Variants in RIMS1 observed in about 807,000 individuals in gnomAD.
RIMS1 encodes regulating synaptic membrane exocytosis protein 1.
A neutral mutation model predicts 214.1 loss-of-function variants in RIMS1; 83 were observed. That is an observed-to-expected ratio of 0.39 (90% CI 0.32 to 0.47). The LOEUF (loss-of-function observed/expected upper bound fraction) is 0.47, where lower values mean the gene tolerates loss of function less well. RIMS1 is among the 20% of genes least tolerant of loss of function. RIMS1 has a pLI of 0.99. For missense variants in RIMS1, 2,050 were observed against 2,161.8 expected, an observed-to-expected ratio of 0.95 and a Z score of 1.03; for synonymous variants, 793 against 786.8, an observed-to-expected ratio of 1.01 and a Z score of -0.13.
chr6:72,256,301 A>T (rs1034256374), intron 16 of RIMS1, among the ~76,000 whole-genome samples: 1 of 152,122 alleles, frequency 6.6e-6, no homozygotes, highest in African/African-American at 2.4e-5. Flanking sequence ...AATAGTACAC[A>T]TTGCCGTCAG....
At chr6:72,192,174 C>T (rs2153982504) in intron 6 of RIMS1, among the ~76,000 whole-genome samples, 1 of 152,330 alleles carries the variant, frequency 6.6e-6, no homozygotes, top group South Asian at 2.1e-4. Context: ...TGAGTTAAAA[C>T]TCCATTAATT....
At chr6:71,953,342 A>G (rs1379924259) in intron 1 of RIMS1, among the ~76,000 whole-genome samples, 2 of 152,188 alleles carry the variant, frequency 1.3e-5, no homozygotes, top group African/African-American at 4.8e-5. Context: ...CCCATTGTCC[A>G]AGGCAAGTCA....
rs2076946454 is a variant in RIMS1, at chr6:72,259,022, T to C, written c.2964T>C (p.Arg988=). The change falls in exon 18 of 34, where the codon CGT becomes CGC. Residue 988 remains arginine, a synonymous_variant. Coordinates refer to ENST00000521978, the MANE Select transcript of RIMS1 (RefSeq NM_014989.7). ...LDEIHPTRRS[R]SPTRHHDASR... ...AAATTCATCCAACAAGAAGGTCACG[T>C]TCTCCAACCAGACACCATGATGCCT... 1 of 1,612,826 alleles carries C rather than the reference T, an allele frequency of 6.2e-7. No homozygotes were observed. Among genetic ancestry groups the C allele is most frequent in the African/African-American group, 1.3e-5 (1 of 75,002 alleles).
At chr6:72,159,220 C>A (rs1454126613) in intron 4 of RIMS1, among the ~76,000 whole-genome samples, 1 of 141,038 alleles carries the variant, frequency 7.1e-6, no homozygotes, top group African/African-American at 2.5e-5. Flanking sequence ...CTGTTCATAT[C>A]TTTCACCCAC....
intron 29 of RIMS1, among the ~76,000 whole-genome samples, chr6:72,383,608 TAA>T (rs1170633297): frequency 9.3e-5 from 8 of 85,918 alleles, no homozygotes; most frequent in East Asian, 7.3e-4. Flanking sequence ...ACCCCATCTC[TAA>T]AAAAAAAAAA....
rs929895906 is a variant in RIMS1 at position 72,182,649 on chromosome 6, TGGCGCTCCCGCGCACCGAGGCGGGCGC to T, written c.1185_1211del (p.Arg397_Pro405del). ...AGGCACGAGCGGCGCCACAGCGACG[TGGCGCTCCCGCGCACCGAGGCGGGCGC>T]GGCGCTGCCGGAGGGCAAGGCCGGC... On this transcript the variant is annotated inframe_deletion, in exon 6 of 34. Coordinates refer to ENST00000521978, the MANE Select transcript of RIMS1 (RefSeq NM_014989.7). 1.0e-5 allele frequency: 16 copies of T among 1,528,592 alleles called. No individual in the cohort carries two copies. The highest frequency in any genetic ancestry group is 1.4e-5 in the Non-Finnish European group (16 of 1,137,442). The allele number at this position is 1,528,592 out of a possible 1,614,324, so 94.7% of individuals were successfully genotyped here.
Position 72,263,399 on chromosome 6 carries a change from C to T in RIMS1, c.3117-1576C>T, listed in dbSNP as rs1416432130. On this transcript the variant is annotated intron_variant, in intron 19 of 33. Transcript: ENST00000521978. ...CACCCCTGTTAAGTGGAAGTTATTT[C>T]CCACATTTTGTGGATGTAGAAACAG... 37 of 980,192 alleles carry T rather than the reference C, an allele frequency of 3.8e-5. No homozygotes were observed. In the South Asian group the frequency reaches 1.5e-3, roughly 39 times the overall value. 60.7% of individuals were successfully genotyped at this position (980,192 alleles called of 1,614,324 possible).
chr6:71,931,005 C>T (rs1442710636), intron 1 of RIMS1, among the ~76,000 whole-genome samples: 2 of 152,014 alleles, frequency 1.3e-5, no homozygotes, highest in African/African-American at 4.8e-5. Flanking sequence ...ATATTATTGA[C>T]ACTAGTGTTT....
At chr6:71,971,884 C>G (rs1242111614) in intron 2 of RIMS1, among the ~76,000 whole-genome samples, 1 of 152,132 alleles carries the variant, frequency 6.6e-6, no homozygotes, top group African/African-American at 2.4e-5. Context: ...GGGTTGGGAA[C>G]ACACCCAAAC....
chr6:72,319,807 C>G (rs189684270), intron 28 of RIMS1, among the ~76,000 whole-genome samples: 1 of 151,860 alleles, frequency 6.6e-6, no homozygotes, highest in Admixed American at 6.6e-5. Flanking sequence ...GATTTTCATA[C>G]AAGTGTAATA....
chr6:71,960,173 CT>C (rs1792505717), intron 1 of RIMS1, among the ~76,000 whole-genome samples: 2 of 151,984 alleles, frequency 1.3e-5, no homozygotes, highest in Admixed American at 1.3e-4. Context: ...GTTAATATAC[CT>C]GTTTAAGTTG....
intron 19 of RIMS1, among the ~76,000 whole-genome samples, chr6:72,264,690 T>C (rs188192838): frequency 5.0e-4 from 76 of 152,310 alleles, no homozygotes; most frequent in Admixed American, 1.4e-3. Flanking sequence ...GTAGCACATT[T>C]ACATATTGAT....
chr6:72,135,659 G>T lies in RIMS1; in HGVS notation c.471+35673G>T, dbSNP rs141248939. On this transcript the variant is annotated intron_variant, in intron 4 of 33. Coordinates refer to ENST00000521978, the MANE Select transcript of RIMS1 (RefSeq NM_014989.7). The stretch of plus-strand genomic sequence containing the variant: ...GGAAAGGAGAAGAAAAGAAGTTAAA[G>T]CAGCTACATCACAGGGAAATTCACT... Among the ~76,000 whole-genome samples, 31 of 152,274 alleles carry T rather than the reference G, an allele frequency of 2.0e-4. No individual in the cohort carries two copies. In the East Asian group the frequency reaches 5.6e-3, roughly 27 times the overall value.
At chr6:71,986,184 G>A (rs1478804840) in intron 2 of RIMS1, among the ~76,000 whole-genome samples, 2 of 106,550 alleles carry the variant, frequency 1.9e-5, no homozygotes, top group Admixed American at 2.4e-4. Flanking sequence ...CACAACTTTG[G>A]GTTTTGTTTT....
intron 10 of RIMS1, among the ~76,000 whole-genome samples, chr6:72,244,121 A>G (rs570020063): frequency 1.3e-5 from 2 of 151,860 alleles, no homozygotes; most frequent in East Asian, 3.9e-4. Context: ...GATTTCAGGA[A>G]TCATTCTAAA....
intron 2 of RIMS1, among the ~76,000 whole-genome samples, chr6:72,008,605 C>T (rs1001824175): frequency 1.3e-5 from 2 of 151,958 alleles, no homozygotes; most frequent in Admixed American, 1.3e-4. Context: ...CACATATAGG[C>T]TCAAAATAAA....
At chr6:72,277,572 ACT>A (rs1216686446) in intron 23 of RIMS1, among the ~76,000 whole-genome samples, 1 of 130,444 alleles carries the variant, frequency 7.7e-6, no homozygotes, top group Admixed American at 8.6e-5. Flanking sequence ...ACAGAGCCAG[ACT>A]CTGTCTCAAA....
intron 1 of RIMS1, among the ~76,000 whole-genome samples, chr6:71,924,630 C>CAAAAAA (rs1250868988): frequency 2.6e-5 from 2 of 76,228 alleles, no homozygotes; most frequent in South Asian, 3.9e-4. Context: ...CCCATCTCTG[C>CAAAAAA]AAAAAAAAAA....
At chr6:72,169,316 C>T (rs1404133663) in intron 4 of RIMS1, among the ~76,000 whole-genome samples, 2 of 152,056 alleles carry the variant, frequency 1.3e-5, no homozygotes, top group Non-Finnish European at 2.9e-5. Context: ...TAAGCCTTCT[C>T]AAAAATATTT....
Sources: allele counts gnomAD v4.1 joint callset (sites outside exome capture counted in the v4.1 genomes callset), GRCh38; gene constraint gnomAD v4.1.1; transcripts MANE v1.5; gene names NCBI Gene and HGNC (gene_info 2026-07-23, HGNC 2026-07-21).